The following ZBTB7C variants were observed in gnomAD, a reference collection of about 807,000 sequenced individuals.
ZBTB7C encodes zinc finger and BTB domain-containing protein 7C.
ZBTB7C carries 8 observed loss-of-function variants against 25.7 expected under a neutral mutation model. The ratio of observed to expected loss-of-function variants is 0.31; its 90% CI spans 0.18 to 0.56. The LOEUF is 0.56. Ranked by LOEUF, ZBTB7C falls within the 20% of genes least tolerant of loss-of-function variation. The pLI is 0.91. For synonymous variants in ZBTB7C, 394 were observed against 369.0 expected, an observed-to-expected ratio of 1.07 and a Z score of -0.78; for missense variants, 824 against 855.2, an observed-to-expected ratio of 0.96 and a Z score of 0.46.
intron 4 of ZBTB7C, among the ~76,000 whole-genome samples, chr18:48,037,156 C>T (rs551141999): frequency 1.4e-4 from 21 of 152,342 alleles, no homozygotes; most frequent in African/African-American, 4.3e-4. Flanking sequence ...AAGAGCTTGT[C>T]TGATCTTTTT....
Position 48,027,394 on chromosome 18 carries a change from G to A in ZBTB7C, c.*1866C>T, listed in dbSNP as rs922770086. ...TTTTTTTTCCTCTCTTTTAAAGTCT[G>A]GTTCAGCCCCAATCACTTGGCTGAT... On this transcript the variant is annotated 3_prime_UTR_variant, in exon 5 of 5. Coordinates refer to ENST00000590800, the MANE Select transcript of ZBTB7C (RefSeq NM_001318841.2). 16 of 146,258 alleles carry A rather than the reference G, an allele frequency of 1.1e-4. No individual in the cohort carries two copies. Among genetic ancestry groups the A allele is most frequent in the African/African-American group, 4.1e-4 (16 of 39,414 alleles). 9.1% of individuals were successfully genotyped at this position (146,258 alleles called of 1,614,324 possible).
intron 1 of ZBTB7C, among the ~76,000 whole-genome samples, chr18:48,393,473 C>T (rs900834578): frequency 6.6e-6 from 1 of 152,012 alleles, no homozygotes; most frequent in East Asian, 1.9e-4. Flanking sequence ...AATTGTACAC[C>T]TAAAACAAAG....
intron 2 of ZBTB7C, among the ~76,000 whole-genome samples, chr18:48,304,677 A>G (rs1274425761): frequency 6.6e-6 from 1 of 152,002 alleles, no homozygotes; most frequent in African/African-American, 2.4e-5. Flanking sequence ...TCCGTCTCAG[A>G]AAAAAGTACA....
intron 3 of ZBTB7C, among the ~76,000 whole-genome samples, chr18:48,107,934 G>A (rs184545279): frequency 5.8e-4 from 89 of 152,290 alleles, no homozygotes; most frequent in Admixed American, 3.1e-3. Flanking sequence ...AAAGAAGCCA[G>A]AGGTTCCCAG....
At chr18:48,304,757 C>T (rs2045629428) in intron 2 of ZBTB7C, among the ~76,000 whole-genome samples, 1 of 146,256 alleles carries the variant, frequency 6.8e-6, no homozygotes, top group Non-Finnish European at 1.5e-5. Context: ...AGGAGAATCG[C>T]TTGAACTTGG....
At chr18:48,281,038 G>C (rs550515051) in intron 2 of ZBTB7C, among the ~76,000 whole-genome samples, 30 of 152,114 alleles carry the variant, frequency 2.0e-4, no homozygotes, top group South Asian at 1.9e-3. Flanking sequence ...ATTTTTAATA[G>C]AGACGGGGTT....
intron 3 of ZBTB7C, chr18:48,072,332 T>C (rs2037574920): frequency 6.7e-6 from 1 of 149,900 alleles, no homozygotes; most frequent in Non-Finnish European, 1.5e-5. Flanking sequence ...AAGGGTTAAA[T>C]GAGATAATGT....
chr18:48,155,807 T>A (rs1158780482), intron 3 of ZBTB7C, among the ~76,000 whole-genome samples: 1 of 152,198 alleles, frequency 6.6e-6, no homozygotes, highest in Non-Finnish European at 1.5e-5. Context: ...ACTAGTTTAG[T>A]GCAAACCAAT....
rs2035565612 is a variant in ZBTB7C, at chr18:48,027,538, A to T, written c.*1722T>A. On this transcript the variant is annotated 3_prime_UTR_variant, in exon 5 of 5. Transcript: ENST00000590800. ...CCAGGCAGATGACTTCTGAGAACAG[A>T]GGGTGTGTGTAGCAATCCTGCTGGC... 1 of 152,216 alleles carries T rather than the reference A, an allele frequency of 6.6e-6. No individual in the cohort carries two copies. Among genetic ancestry groups the T allele is most frequent in the African/African-American group, 2.4e-5 (1 of 41,444 alleles). 9.4% of individuals were successfully genotyped at this position (152,216 alleles called of 1,614,324 possible).
intron 4 of ZBTB7C, among the ~76,000 whole-genome samples, chr18:48,038,547 CTTTTTTTT>C (rs200367018): frequency 7.6e-6 from 1 of 132,238 alleles, no homozygotes; most frequent in Non-Finnish European, 1.6e-5. Context: ...GAGGACTCAT[CTTTTTTTT>C]TTTTTTTTTT....
At chr18:48,269,913 C>A (rs950896249) in intron 2 of ZBTB7C, among the ~76,000 whole-genome samples, 4 of 152,086 alleles carry the variant, frequency 2.6e-5, no homozygotes, top group African/African-American at 9.7e-5. Context: ...TAGTAAATGA[C>A]AAATTCTCAG....
intron 3 of ZBTB7C, among the ~76,000 whole-genome samples, chr18:48,108,186 T>C (rs1020665822): frequency 1.3e-5 from 2 of 152,172 alleles, no homozygotes; most frequent in East Asian, 1.9e-4. Context: ...GACTCATGGA[T>C]GGGACAGGAC....
intron 2 of ZBTB7C, among the ~76,000 whole-genome samples, chr18:48,187,034 C>T (rs1466239910): frequency 6.6e-6 from 1 of 152,122 alleles, no homozygotes; most frequent in Non-Finnish European, 1.5e-5. Flanking sequence ...GGGGTGGGTG[C>T]GAGAGGCCAG....
intron 2 of ZBTB7C, among the ~76,000 whole-genome samples, chr18:48,216,706 T>C (rs568801756): frequency 9.9e-5 from 15 of 152,240 alleles, no homozygotes; most frequent in African/African-American, 3.1e-4. Flanking sequence ...CCACACTCTG[T>C]GCATCCTGAG....
chr18:48,030,386 C>A (rs1231953358), intron 4 of ZBTB7C, among the ~76,000 whole-genome samples: 6 of 152,176 alleles, frequency 3.9e-5, no homozygotes, highest in Non-Finnish European at 8.8e-5. Context: ...TGGTCCCATC[C>A]CAGCCCCCGG....
intron 2 of ZBTB7C, among the ~76,000 whole-genome samples, chr18:48,249,072 T>C (rs2043774779): frequency 6.6e-6 from 1 of 152,248 alleles, no homozygotes; most frequent in East Asian, 1.9e-4. Flanking sequence ...TAAAGCAAGT[T>C]GAAATACTGT....
intron 1 of ZBTB7C, among the ~76,000 whole-genome samples, chr18:48,367,293 TATACATATATGTATAG>T (rs2047259469): frequency 7.3e-6 from 1 of 137,830 alleles, no homozygotes; most frequent in Non-Finnish European, 1.6e-5. Flanking sequence ...AATATGTATC[TATACATATATGTATAG>T]ATACATATAT....
chr18:48,172,312 G>T (rs2041509688), intron 3 of ZBTB7C, among the ~76,000 whole-genome samples: 1 of 152,204 alleles, frequency 6.6e-6, no homozygotes, highest in Non-Finnish European at 1.5e-5. Context: ...TGTCATGATG[G>T]CCCGTCAGGC....
chr18:48,368,131 G>A (rs1180160279), intron 1 of ZBTB7C, among the ~76,000 whole-genome samples: 2 of 150,702 alleles, frequency 1.3e-5, no homozygotes, highest in African/African-American at 4.9e-5. Context: ...ACTCCAAGAT[G>A]ACAGACATGT....
Sources: gnomAD v4.1 joint callset for allele counts (sites outside exome capture counted in the v4.1 genomes callset) on GRCh38, gnomAD v4.1.1 for gene constraint, MANE v1.5 for transcripts, NCBI Gene and HGNC (gene_info 2026-07-23, HGNC 2026-07-21) for gene names.